The following TOP3B variants were observed in gnomAD, a reference collection of about 807,000 sequenced individuals.
The protein encoded by TOP3B is DNA topoisomerase III beta.
A neutral mutation model predicts 93.9 loss-of-function variants in TOP3B; 45 were observed. The observed-to-expected ratio is 0.48, with a 90% CI of 0.38 to 0.61. The LOEUF (loss-of-function observed/expected upper bound fraction) is 0.61. Ranked by LOEUF, TOP3B falls within the 20% of genes least tolerant of loss-of-function variation. The pLI is 0.00. For missense variants in TOP3B, 750 were observed against 1,156.1 expected, an observed-to-expected ratio of 0.65 and a Z score of 5.09; for synonymous variants, 357 against 472.6, an observed-to-expected ratio of 0.76 and a Z score of 3.17.
intron 13 of TOP3B, chr22:21,962,079 G>A: frequency 8.3e-7 from 1 of 1,210,938 alleles, no homozygotes; most frequent in African/African-American, 1.6e-5. Flanking sequence ...GACAGCCCAG[G>A]CTGGCTGTGT....
chr22:21,962,562 C>A lies in TOP3B; in HGVS notation c.1392G>T (p.Glu464Asp), dbSNP rs527779793. 6.2e-7 allele frequency: 1 copy of A among 1,613,612 alleles called. No homozygotes were observed. Among genetic ancestry groups the A allele is most frequent in the East Asian group, 2.2e-5 (1 of 44,880 alleles). The part of the protein sequence containing the change: ...EVMPWQSVPL[E>D]ESLPTCQRGD... Reference sequence around the variant, plus strand: ...CCCGCTGGCAAGTGGGCAGGCTCTCCTCCAGGGGCACGCTCTGCCAGGGCA... The same window carrying A: ...CCCGCTGGCAAGTGGGCAGGCTCTCATCCAGGGGCACGCTCTGCCAGGGCA... The change falls in exon 13 of 18, where the codon GAG becomes GAT. Residue 464 changes from glutamate to aspartate, a missense_variant. Physicochemically the swap from Glu to Asp is conservative, Grantham distance 45. Coordinates refer to ENST00000357179, the MANE Select transcript of TOP3B (RefSeq NM_001282112.2).
At chr22:21,966,602 T>C (rs923687260) in intron 8 of TOP3B, 5 of 152,252 alleles carry the variant, frequency 3.3e-5, no homozygotes, top group Non-Finnish European at 5.9e-5. Flanking sequence ...AGTGCATCTA[T>C]GAGCTGTGCT....
intron 1 of TOP3B, chr22:21,976,553 C>G (rs1171935909): frequency 1.3e-5 from 2 of 152,286 alleles, no homozygotes; most frequent in Admixed American, 6.5e-5. Flanking sequence ...AGGCCCAGCT[C>G]AAGTCTCCCA....
Position 21,963,803 on chromosome 22 carries a change from C to T in TOP3B, c.1204+120G>A, listed in dbSNP as rs543656500. On this transcript the variant is annotated intron_variant, in intron 11 of 17. Coordinates refer to ENST00000357179, the MANE Select transcript of TOP3B (RefSeq NM_001282112.2). This position sits in a 1 kb window ranked among gnomAD's most constrained non-coding sequence, Gnocchi z 4.8. ...TCTTCCAGGTGGCCCCCCATCCCCA[C>T]AGCCAGGGCAGGCAGAGGCTGAAGG... is the stretch of plus-strand genomic sequence containing the variant. 270 of 1,040,432 alleles carry T rather than the reference C, an allele frequency of 2.6e-4. No individual in the cohort carries two copies. Among genetic ancestry groups the T allele is most frequent in the Non-Finnish European group, 3.0e-4 (214 of 705,882 alleles). 64.5% of individuals were successfully genotyped at this position (1,040,432 alleles called of 1,614,324 possible).
chr22:21,968,603 G>C lies in TOP3B; in HGVS notation c.738+16C>G, dbSNP rs1317038192. ...AACCCAGAAAGCCCCAGCATGAATA[G>C]AGAAAGGCAAGGAACCTTGGCCTGC... On this transcript the variant is annotated intron_variant, in intron 7 of 17. Coordinates refer to ENST00000357179, the MANE Select transcript of TOP3B (RefSeq NM_001282112.2). 2.5e-6 allele frequency: 4 copies of C among 1,613,568 alleles called. No homozygotes were observed. The highest frequency in any genetic ancestry group is 1.1e-5 in the South Asian group (1 of 91,036).
chr22:21,967,481 T>G, intron 8 of TOP3B, 122 bp downstream of exon 8: 1 of 754,880 alleles, frequency 1.3e-6, no homozygotes, highest in Non-Finnish European at 2.3e-6. Flanking sequence ...AAAAGATGTC[T>G]GTGTTTCAGA....
chr22:21,974,630 G>A (rs2071784849), intron 2 of TOP3B, 142 bp from the exon 3 acceptor site: 2 of 942,088 alleles, frequency 2.1e-6, no homozygotes, highest in Admixed American at 5.7e-5. Context: ...GCAGACTGGT[G>A]CGGGTAGTTG....
chr22:21,964,380 C>T lies in TOP3B; in HGVS notation c.944-65G>A. The T allele has an allele frequency of 4.4e-6, 7 of 1,587,946 alleles. No individual in the cohort carries two copies. In the South Asian group the frequency reaches 5.6e-5, roughly 13 times the overall value. ...GGGATGGCCAGCTGCCTGCCCTGGC[C>T]TATGCACTCAGGCTCCCCCATTGTG... On this transcript the variant is annotated intron_variant, in intron 9 of 17. Coordinates refer to ENST00000357179, the MANE Select transcript of TOP3B (RefSeq NM_001282112.2).
rs1018544733 is a variant in TOP3B, at chr22:21,970,180, T to C, written c.581+30A>G. ...CTCTGGCTGAGGGAGAGTGAGGGTG[T>C]GCCCAGGACTCTGCGGGTGTGGCCA... On this transcript the variant is annotated intron_variant, in intron 6 of 17. Transcript: ENST00000357179. This position sits in a 1 kb window ranked among gnomAD's most constrained non-coding sequence, Gnocchi z 4.4. 6.6e-6 allele frequency: 10 copies of C among 1,516,802 alleles called. No individual in the cohort carries two copies. Among genetic ancestry groups the C allele is most frequent in the Non-Finnish European group, 9.0e-6 (10 of 1,110,752 alleles). 94.0% of individuals were successfully genotyped at this position (1,516,802 alleles called of 1,614,324 possible).
chr22:21,968,779 G>A lies in TOP3B; in HGVS notation c.582-4C>T. 1.2e-6 allele frequency: 2 copies of A among 1,614,054 alleles called. No homozygotes were observed. The highest frequency in any genetic ancestry group is 1.7e-6 in the Non-Finnish European group (2 of 1,179,946). On this transcript the variant is annotated splice_polypyrimidine_tract_variant and splice_region_variant and intron_variant, in intron 6 of 17. Transcript: ENST00000357179. ...CTGGAAATATTTAGTCTGAAACCTG[G>A]AGGGAGTGGAAAGATATTTTGGTCA...
At chr22:21,964,094 G>T in intron 10 of TOP3B, 66 bp from the exon 11 acceptor site, 2 of 1,606,960 alleles carry the variant, frequency 1.2e-6, no homozygotes, top group Non-Finnish European at 1.7e-6. Context: ...TTTGGCTGAC[G>T]TACCAGACCT....
intron 2 of TOP3B, 126 bp downstream of exon 2, chr22:21,975,514 C>T (rs1388742742): frequency 7.2e-6 from 8 of 1,111,074 alleles, no homozygotes; most frequent in Non-Finnish European, 9.8e-6. Flanking sequence ...TACTGAGATG[C>T]TTCATTACCA....
chr22:21,972,303 C>A, intron 4 of TOP3B: 1 of 460,636 alleles, frequency 2.2e-6, no homozygotes, highest in South Asian at 3.8e-5. Context: ...TACTTATCTG[C>A]ACTTTCTAAT....
intron 1 of TOP3B, chr22:21,982,249 C>T (rs2084648166): frequency 6.6e-6 from 1 of 152,182 alleles, no homozygotes; most frequent in African/African-American, 2.4e-5. Context: ...CTAATTTGTT[C>T]ACAAAAGTAC....
chr22:21,957,042 GCATTTTAATAGTTTGAAGTGC>G lies in TOP3B; in HGVS notation c.*51_*71del. 1.7e-6 allele frequency: 1 copy of G among 601,164 alleles called. No homozygotes were observed. The highest frequency in any genetic ancestry group is 1.9e-5 in the African/African-American group (1 of 53,784). 37.2% of individuals were successfully genotyped at this position (601,164 alleles called of 1,614,324 possible). On this transcript the variant is annotated 3_prime_UTR_variant, in exon 18 of 18. Transcript: ENST00000357179. ...GCCCCAGCTCTGGATAAGATAAAATGCATTTTAATAGTTTGAAGTGCCATGAGGTGTCTGCATGGCACTGCA... is the reference window on the plus strand; with the variant it reads ...GCCCCAGCTCTGGATAAGATAAAATGCATGAGGTGTCTGCATGGCACTGCA...
Position 21,963,526 on chromosome 22 carries a change from A to T in TOP3B, c.1204+397T>A. 4.6e-6 allele frequency: 1 copy of T among 215,496 alleles called. No individual in the cohort carries two copies. The highest frequency in any genetic ancestry group is 5.3e-5 in the Admixed American group (1 of 19,008). 13.3% of individuals were successfully genotyped at this position (215,496 alleles called of 1,614,324 possible). A position where few individuals can be genotyped will look rare whatever the true frequency, so the allele number is the denominator to read the frequency against. On this transcript the variant is annotated intron_variant, in intron 11 of 17. Coordinates refer to ENST00000357179, the MANE Select transcript of TOP3B (RefSeq NM_001282112.2). The surrounding 1 kb of genome is among the most constrained non-coding windows in gnomAD (Gnocchi z 4.8). ...CATGACACCATTGCTTCAAACTCAG[A>T]CTGTCCACAGGTGGCTCCTGTCTCT...
At chr22:21,981,442 C>T (rs778319079) in intron 1 of TOP3B, among the ~76,000 whole-genome samples, 3 of 152,178 alleles carry the variant, frequency 2.0e-5, no homozygotes, top group Non-Finnish European at 2.9e-5. Flanking sequence ...GTACAGCTTC[C>T]ATCTACTTAT....
At chr22:21,979,691 C>T (rs1430226566) in intron 1 of TOP3B, among the ~76,000 whole-genome samples, 1 of 150,956 alleles carries the variant, frequency 6.6e-6, no homozygotes, top group Non-Finnish European at 1.5e-5. Context: ...CCTGTAATCC[C>T]AGCACTTTGG....
At chr22:21,979,729 CAGG>C (rs900467239) in intron 1 of TOP3B, among the ~76,000 whole-genome samples, 16 of 151,930 alleles carry the variant, frequency 1.1e-4, no homozygotes, top group African/African-American at 3.9e-4. Context: ...ATCACGAGGT[CAGG>C]AGATCAAGAC....
Sources: gnomAD v4.1 joint callset for allele counts (sites outside exome capture counted in the v4.1 genomes callset) on GRCh38, gnomAD v4.1.1 for gene constraint, Gnocchi (gnomAD v3.1) non-coding constraint, MANE v1.5 for transcripts, NCBI Gene and HGNC (gene_info 2026-07-23, HGNC 2026-07-21) for gene names.